ZBTB38: variants seen among roughly 807,000 people sequenced by gnomAD.
ZBTB38 encodes the protein zinc finger and BTB domain-containing protein 38.
A neutral mutation model predicts 76.8 loss-of-function variants in ZBTB38; 20 were observed. The ratio of observed to expected loss-of-function variants is 0.26; its 90% CI spans 0.18 to 0.38. ZBTB38 has a LOEUF of 0.38. Among genes scored for constraint, ZBTB38 ranks in the 10% least tolerant of loss-of-function variants. The pLI, the probability that ZBTB38 is intolerant of heterozygous loss-of-function variation, is 1.00. For synonymous variants in ZBTB38, 504 were observed against 544.2 expected, an observed-to-expected ratio of 0.93 and a Z score of 1.03; for missense variants, 1,082 against 1,482.3, an observed-to-expected ratio of 0.73 and a Z score of 4.43.
intron 1 of ZBTB38, among the ~76,000 whole-genome samples, chr3:141,330,590 C>A (rs892078771): frequency 6.6e-6 from 1 of 152,244 alleles, no homozygotes. Flanking sequence ...CACTCAGACT[C>A]TTTATGCTTC....
In ZBTB38 at chr3:141,376,141, C is replaced by T. The variant is rs190114483; in HGVS notation, c.-234-5284C>T. The stretch of plus-strand genomic sequence containing the variant: ...GACTGCCCGGCTTCCTCTCATCCCA[C>T]CACCTCAATTTCCAGAGCCCACCAA... On this transcript the variant is annotated intron_variant, in intron 2 of 5. Coordinates refer to ENST00000321464, the MANE Select transcript of ZBTB38 (RefSeq NM_001376113.1). Among the ~76,000 whole-genome samples the T allele has an allele frequency of 1.7e-4, 26 of 152,346 alleles. No homozygotes were observed. In the East Asian group the frequency reaches 4.8e-3, roughly 28 times the overall value.
chr3:141,377,850 T>C lies in ZBTB38; in HGVS notation c.-234-3575T>C, dbSNP rs144632737. Among the ~76,000 whole-genome samples the C allele has an allele frequency of 3.3e-5, 5 of 152,304 alleles. No individual in the cohort carries two copies. The East Asian group carries it at 9.7e-4, about 29-fold the overall frequency. ...TGAAAGCCAATCTCAAAGAGTTATA[T>C]GCTACATGATTCCATTTAGAGAACG... is the stretch of plus-strand genomic sequence containing the variant. On this transcript the variant is annotated intron_variant, in intron 2 of 5. Coordinates refer to ENST00000321464, the MANE Select transcript of ZBTB38 (RefSeq NM_001376113.1).
upstream of ZBTB38, chr3:141,366,105 A>C (rs1943956659): frequency 6.6e-6 from 1 of 152,214 alleles, no homozygotes; most frequent in Admixed American, 6.5e-5. Context: ...CTCCAAGTGG[A>C]TATTTTTCCC....
chr3:141,396,600 G>C (rs1950395389), intron 4 of ZBTB38: 1 of 192,762 alleles, frequency 5.2e-6, no homozygotes. Context: ...AATTTGCTTT[G>C]CCCAGATCCA....
At chr3:141,326,376 C>T (rs1942675969) in intron 1 of ZBTB38, among the ~76,000 whole-genome samples, 1 of 152,208 alleles carries the variant, frequency 6.6e-6, no homozygotes, top group South Asian at 2.1e-4. Context: ...TGCCTCCTTG[C>T]TCCTCCCAAC....
At chr3:141,419,602 T>G (rs1211072623) in intron 5 of ZBTB38, among the ~76,000 whole-genome samples, 1 of 152,240 alleles carries the variant, frequency 6.6e-6, no homozygotes, top group Non-Finnish European at 1.5e-5. Flanking sequence ...TCTTCATTTT[T>G]CTGAGCCTTG....
chr3:141,441,032 CAAAAAAAAAAA>C (rs202075469), intron 5 of ZBTB38, among the ~76,000 whole-genome samples: 40 of 64,616 alleles, frequency 6.2e-4, no homozygotes, highest in African/African-American at 2.0e-3. Flanking sequence ...GACTCAATCT[CAAAAAAAAAAA>C]AAAAAAAGAA....
intron 2 of ZBTB38, among the ~76,000 whole-genome samples, chr3:141,373,562 A>T (rs1186836893): frequency 1.3e-5 from 2 of 152,236 alleles, no homozygotes; most frequent in Non-Finnish European, 2.9e-5. Flanking sequence ...ATACCACATC[A>T]TATTCACCAA....
chr3:141,347,324 T>C (rs1943392080), intron 1 of ZBTB38, among the ~76,000 whole-genome samples: 1 of 152,248 alleles, frequency 6.6e-6, no homozygotes, highest in Non-Finnish European at 1.5e-5. Flanking sequence ...AGCAATAGTT[T>C]ATGGCTCATT....
intron 2 of ZBTB38, among the ~76,000 whole-genome samples, chr3:141,378,085 G>A (rs1945649229): frequency 6.6e-6 from 1 of 151,956 alleles, no homozygotes; most frequent in African/African-American, 2.4e-5. Context: ...GGCTGAGATG[G>A]GAAGACTGCT....
chr3:141,425,774 T>C (rs2076268514), intron 5 of ZBTB38, among the ~76,000 whole-genome samples: 1 of 152,266 alleles, frequency 6.6e-6, no homozygotes. Flanking sequence ...TTCTTTATGT[T>C]TTGGTGCTCC....
At chr3:141,440,467 A>G (rs1398264591) in intron 5 of ZBTB38, among the ~76,000 whole-genome samples, 1 of 152,236 alleles carries the variant, frequency 6.6e-6, no homozygotes, top group Non-Finnish European at 1.5e-5. Context: ...TGGTCCATCC[A>G]ACTAAATAAA....
chr3:141,430,873 C>T (rs2077340140), intron 5 of ZBTB38, among the ~76,000 whole-genome samples: 1 of 152,074 alleles, frequency 6.6e-6, no homozygotes, highest in African/African-American at 2.4e-5. Flanking sequence ...ATCAGCCAGC[C>T]CTTTGGGTTC....
At chr3:141,361,162 A>G (rs1424618404) in intron 1 of ZBTB38, among the ~76,000 whole-genome samples, 1 of 152,180 alleles carries the variant, frequency 6.6e-6, no homozygotes. Context: ...GTTGAGTGTG[A>G]TAACCCCTTA....
At chr3:141,354,323 T>C (rs1943601769) in intron 1 of ZBTB38, among the ~76,000 whole-genome samples, 1 of 152,140 alleles carries the variant, frequency 6.6e-6, no homozygotes, top group Non-Finnish European at 1.5e-5. Context: ...TGAAAAACTC[T>C]ATACAGCATT....
intron 1 of ZBTB38, among the ~76,000 whole-genome samples, chr3:141,360,976 G>A (rs1051434309): frequency 2.0e-5 from 3 of 152,158 alleles, no homozygotes; most frequent in Non-Finnish European, 2.9e-5. Context: ...CTCTGACTCC[G>A]TCAATGTCAA....
At chr3:141,402,136 G>C (rs1952235142) in intron 4 of ZBTB38, among the ~76,000 whole-genome samples, 1 of 152,202 alleles carries the variant, frequency 6.6e-6, no homozygotes, top group Admixed American at 6.5e-5. Context: ...CCTTGGTGGG[G>C]GGCCCCGGCT....
chr3:141,446,101 ATTTGTG>A lies in ZBTB38; in HGVS notation c.*126_*131del. On this transcript the variant is annotated 3_prime_UTR_variant, in exon 6 of 6. Coordinates refer to ENST00000321464, the MANE Select transcript of ZBTB38 (RefSeq NM_001376113.1). ...GTGAAATTAAAAAAAAAAAAAACTC[ATTTGTG>A]AAAATTCCAGAAAAAGGATCCTAAT... 10 of 882,054 alleles carry A rather than the reference ATTTGTG, an allele frequency of 1.1e-5. No individual in the cohort carries two copies. The highest frequency in any genetic ancestry group is 1.6e-5 in the Non-Finnish European group (10 of 633,198). The allele number at this position is 882,054 out of a possible 1,614,324, so 54.6% of individuals were successfully genotyped here. A position where few individuals can be genotyped will look rare whatever the true frequency, so the allele number is the denominator to read the frequency against.
intron 5 of ZBTB38, among the ~76,000 whole-genome samples, chr3:141,406,562 G>C (rs187837730): frequency 2.0e-5 from 3 of 152,284 alleles, no homozygotes; most frequent in Non-Finnish European, 4.4e-5. Context: ...CAGGCAGAAG[G>C]GGGCTTTGCG....
Sources: allele counts gnomAD v4.1 joint callset (sites outside exome capture counted in the v4.1 genomes callset), GRCh38; gene constraint gnomAD v4.1.1; transcripts MANE v1.5; gene names NCBI Gene and HGNC (gene_info 2026-07-23, HGNC 2026-07-21).